Variants in RAB5B observed in about 807,000 individuals in gnomAD.
The protein encoded by RAB5B is ras-related protein Rab-5B.
RAB5B carries 11 observed loss-of-function variants against 28.6 expected under a neutral mutation model. The ratio of observed to expected loss-of-function variants is 0.38; its 90% CI spans 0.24 to 0.64. RAB5B has a LOEUF of 0.64. Among genes scored for constraint, RAB5B ranks in the 30% least tolerant of loss-of-function variants. The pLI is 0.53. For synonymous variants in RAB5B, 93 were observed against 97.9 expected, an observed-to-expected ratio of 0.95 and a Z score of 0.29; for missense variants, 169 against 265.6, an observed-to-expected ratio of 0.64 and a Z score of 2.53.
At chr12:55,982,670 C>T (rs1052490258) in intron 1 of RAB5B, among the ~76,000 whole-genome samples, 1 of 152,178 alleles carries the variant, frequency 6.6e-6, no homozygotes, top group African/African-American at 2.4e-5. Context: ...CTCTGAGAAT[C>T]CAAGGTTGCT....
intron 1 of RAB5B, among the ~76,000 whole-genome samples, chr12:55,981,362 C>G (rs1163362803): frequency 6.6e-6 from 1 of 152,096 alleles, no homozygotes; most frequent in African/African-American, 2.4e-5. Context: ...CCACGCCTAG[C>G]CCAAATTGAC....
intron 1 of RAB5B, among the ~76,000 whole-genome samples, chr12:55,977,734 C>T (rs909325783): frequency 1.3e-5 from 2 of 152,156 alleles, no homozygotes; most frequent in Admixed American, 1.3e-4. Flanking sequence ...CTCCCACTTC[C>T]GTTTTGGGAA....
In RAB5B at chr12:55,993,312, A is replaced by G. The variant is rs1890192982; in HGVS notation, c.*1100A>G. ...GGTTCGAGGAGAGGTTATAGATAAAACTACCAGTGGCAGCTACTCAAGTCC... is the reference window on the plus strand; with the variant it reads ...GGTTCGAGGAGAGGTTATAGATAAAGCTACCAGTGGCAGCTACTCAAGTCC... On this transcript the variant is annotated 3_prime_UTR_variant, in exon 6 of 6. Transcript: ENST00000360299. 6.6e-6 allele frequency: 1 copy of G among 152,584 alleles called. No homozygotes were observed. The highest frequency in any genetic ancestry group is 2.4e-5 in the African/African-American group (1 of 41,420). The allele number at this position is 152,584 out of a possible 1,614,324, so 9.5% of individuals were successfully genotyped here.
Position 55,993,872 on chromosome 12 carries a change from C to G in RAB5B, c.*1660C>G, listed in dbSNP as rs1214534992. On this transcript the variant is annotated 3_prime_UTR_variant, in exon 6 of 6. Transcript: ENST00000360299. ...TATTATCAGAGGACCTTGGTCCTTT[C>G]TAAATCTCTAGTCTCTCTTCATATC... 6.6e-6 allele frequency: 1 copy of G among 152,342 alleles called. No homozygotes were observed. The highest frequency in any genetic ancestry group is 1.5e-5 in the Non-Finnish European group (1 of 68,028). 9.4% of individuals were successfully genotyped at this position (152,342 alleles called of 1,614,324 possible).
At chr12:55,979,278 A>G (rs566566721) in intron 1 of RAB5B, 16 of 152,304 alleles carry the variant, frequency 1.1e-4, no homozygotes, top group African/African-American at 3.9e-4. Context: ...TACCATACTG[A>G]TAAGAGGTAA....
chr12:55,996,003 A>ATTTTTTTTTTTTTTTTTT lies in RAB5B; in HGVS notation c.*3801_*3802insTTTTTTTTTTTTTTTTTT, dbSNP rs56291639. On this transcript the variant is annotated 3_prime_UTR_variant, in exon 6 of 6. Coordinates refer to ENST00000360299, the MANE Select transcript of RAB5B (RefSeq NM_002868.4). ...TATATACATATATATATATATATAT[A>ATTTTTTTTTTTTTTTTTT]TTTTTTTTTTAACAACTGGTAGGAT... The ATTTTTTTTTTTTTTTTTT allele has an allele frequency of 5.1e-5, 5 of 97,398 alleles. No homozygotes were observed. Among genetic ancestry groups the ATTTTTTTTTTTTTTTTTT allele is most frequent in the African/African-American group, 2.4e-4 (5 of 21,140 alleles). The allele number at this position is 97,398 out of a possible 1,614,324, so 6.0% of individuals were successfully genotyped here.
Position 55,976,939 on chromosome 12 carries a change from C to T in RAB5B, c.-93+2800C>T, listed in dbSNP as rs192102807. ...GTTTTTTCCCCCAAGGAACTTTTCT[C>T]ACCTGCAAGCCAGTCCTAGAGACAG... On this transcript the variant is annotated intron_variant, in intron 1 of 5. Coordinates refer to ENST00000360299, the MANE Select transcript of RAB5B (RefSeq NM_002868.4). Among the ~76,000 whole-genome samples the T allele has an allele frequency of 1.1e-3, 166 of 152,304 alleles. 1 individual carries two copies. The highest frequency in any genetic ancestry group is 6.8e-3 in the Middle Eastern group (2 of 294).
intron 1 of RAB5B, among the ~76,000 whole-genome samples, chr12:55,983,958 C>A (rs1210648366): frequency 6.6e-6 from 1 of 152,078 alleles, no homozygotes; most frequent in Non-Finnish European, 1.5e-5. Context: ...CTCTGCCAGG[C>A]CTGTTTTTTC....
chr12:55,991,221 A>C (rs528347537), intron 4 of RAB5B, 139 bp from the exon 5 acceptor site: 16 of 631,272 alleles, frequency 2.5e-5, no homozygotes, highest in Non-Finnish European at 2.9e-5. Flanking sequence ...TTATGCATCT[A>C]GGCTAGCTGG....
intron 1 of RAB5B, among the ~76,000 whole-genome samples, chr12:55,984,720 T>C (rs1287531996): frequency 1.3e-5 from 2 of 152,016 alleles, no homozygotes; most frequent in Non-Finnish European, 2.9e-5. Flanking sequence ...CCTCAGGTGA[T>C]CCACCTCAGC....
intron 1 of RAB5B, among the ~76,000 whole-genome samples, chr12:55,982,605 T>C (rs529278756): frequency 1.3e-5 from 2 of 152,312 alleles, no homozygotes; most frequent in African/African-American, 2.4e-5. Context: ...GAACATACTC[T>C]TAAGGCTACA....
chr12:55,990,537 A>G (rs992279439), intron 3 of RAB5B, 145 bp from the exon 4 acceptor site: 160 of 1,135,780 alleles, frequency 1.4e-4, no homozygotes, highest in Non-Finnish European at 2.0e-4. Flanking sequence ...AAGTGCTAAG[A>G]AGACAGATAA....
chr12:55,974,925 T>A (rs1369422198), intron 1 of RAB5B, among the ~76,000 whole-genome samples: 1 of 87,646 alleles, frequency 1.1e-5, no homozygotes, highest in Non-Finnish European at 3.2e-5. Context: ...ATCAAAGTAA[T>A]TTTTTTTTTT....
chr12:55,977,745 A>C (rs1328409758), intron 1 of RAB5B, among the ~76,000 whole-genome samples: 1 of 152,218 alleles, frequency 6.6e-6, no homozygotes, highest in African/African-American at 2.4e-5. Flanking sequence ...GTTTTGGGAA[A>C]GATTTAGCCA....
intron 1 of RAB5B, chr12:55,980,343 C>CT: frequency 8.8e-7 from 1 of 1,142,422 alleles, no homozygotes; most frequent in South Asian, 1.2e-5. Context: ...AGCCCCTCTG[C>CT]TATTTCTCCC....
chr12:55,976,152 T>G (rs151203862), intron 1 of RAB5B, among the ~76,000 whole-genome samples: 4 of 152,276 alleles, frequency 2.6e-5, no homozygotes, highest in African/African-American at 9.6e-5. Context: ...CATACCTTAT[T>G]CATATTTCAT....
intron 1 of RAB5B, among the ~76,000 whole-genome samples, chr12:55,975,302 G>A (rs1200825381): frequency 6.6e-6 from 1 of 152,174 alleles, no homozygotes; most frequent in Admixed American, 6.5e-5. Context: ...ACTATGCGGT[G>A]ATATCACTGA....
chr12:55,991,987 T>C, intron 5 of RAB5B, 110 bp from the exon 6 acceptor site: 1 of 741,270 alleles, frequency 1.3e-6, no homozygotes. Context: ...TCTTTTAATC[T>C]CTCAAATTCT....
chr12:55,978,421 G>C (rs185350673), intron 1 of RAB5B, among the ~76,000 whole-genome samples: 27 of 152,082 alleles, frequency 1.8e-4, no homozygotes, highest in Admixed American at 6.5e-4. Flanking sequence ...GGAGAATGGC[G>C]TGAACCTGGG....
Sources: gnomAD v4.1 joint callset for allele counts (sites outside exome capture counted in the v4.1 genomes callset) on GRCh38, gnomAD v4.1.1 for gene constraint, MANE v1.5 for transcripts, NCBI Gene and HGNC (gene_info 2026-07-23, HGNC 2026-07-21) for gene names.